Variants in ENTREP2 observed in about 807,000 individuals in gnomAD.
The protein encoded by ENTREP2 is protein ENTREP2.
At chr15:29,492,076 T>C in the ENTREP2 span, among the ~76,000 whole-genome samples, 1 of 152,112 alleles carries the variant, frequency 6.6e-6, no homozygotes, top group Admixed American at 6.6e-5. Flanking sequence ...TTTTTTTTTT[T>C]TCTAGCTTGT....
At chr15:29,243,240 A>T in the ENTREP2 span, among the ~76,000 whole-genome samples, 1 of 152,216 alleles carries the variant, frequency 6.6e-6, no homozygotes, top group Non-Finnish European at 1.5e-5. Context: ...ACATCCAAAA[A>T]CTATTCCTAT....
the ENTREP2 span, among the ~76,000 whole-genome samples, chr15:29,273,149 T>A: frequency 3.9e-5 from 6 of 152,108 alleles, no homozygotes; most frequent in African/African-American, 1.4e-4. Context: ...AGATTTCATT[T>A]TTCTCATCAA....
chr15:29,462,820 C>G, the ENTREP2 span, among the ~76,000 whole-genome samples: 5 of 151,944 alleles, frequency 3.3e-5, no homozygotes, highest in African/African-American at 1.2e-4. Context: ...TAGCTTATCA[C>G]AGAAAAAAGA....
chr15:29,402,551 C>A, the ENTREP2 span, among the ~76,000 whole-genome samples: 1 of 152,120 alleles, frequency 6.6e-6, no homozygotes, highest in South Asian at 2.1e-4. Flanking sequence ...CTCAAGTGAT[C>A]CCCTCGCTGT....
the ENTREP2 span, among the ~76,000 whole-genome samples, chr15:29,657,549 C>G: frequency 1.4e-5 from 2 of 146,434 alleles, no homozygotes. Flanking sequence ...TCTGTCCTAT[C>G]AGAGTGCCCT....
At chr15:29,371,363 C>G in the ENTREP2 span, among the ~76,000 whole-genome samples, 5 of 151,648 alleles carry the variant, frequency 3.3e-5, no homozygotes, top group Admixed American at 1.3e-4. Context: ...CACACACACA[C>G]ACACACACAC....
the ENTREP2 span, among the ~76,000 whole-genome samples, chr15:29,554,086 G>A: frequency 1.3e-5 from 2 of 152,018 alleles, no homozygotes; most frequent in Non-Finnish European, 2.9e-5. Context: ...AGACCGAGGC[G>A]GGCAGATCAC....
the ENTREP2 span, among the ~76,000 whole-genome samples, chr15:29,387,797 G>C: frequency 6.6e-6 from 1 of 152,198 alleles, no homozygotes; most frequent in South Asian, 2.1e-4. Context: ...ACAGAACAGA[G>C]CCCTCAGAAA....
chr15:29,144,816 GA>G, the ENTREP2 span, among the ~76,000 whole-genome samples: 1 of 151,766 alleles, frequency 6.6e-6, no homozygotes, highest in African/African-American at 2.4e-5. Flanking sequence ...GAGGCGGCTG[GA>G]CCACCTGAGG....
chr15:29,519,945 T>G, the ENTREP2 span, among the ~76,000 whole-genome samples: 1 of 152,160 alleles, frequency 6.6e-6, no homozygotes, highest in Non-Finnish European at 1.5e-5. Flanking sequence ...AGTCTCAAAA[T>G]CTACCCACCC....
the ENTREP2 span, among the ~76,000 whole-genome samples, chr15:29,132,970 C>T: frequency 6.6e-6 from 1 of 152,186 alleles, no homozygotes. Flanking sequence ...GGGGACAGAG[C>T]TGCCCCCGCG....
At chr15:29,543,148 TACATG>T in the ENTREP2 span, among the ~76,000 whole-genome samples, 67,694 of 151,492 alleles carry the variant, frequency 0.45, 16,198 homozygotes, top group African/African-American at 0.64. Context: ...TGAGACTGTC[TACATG>T]ACATGTTAGT....
the ENTREP2 span, among the ~76,000 whole-genome samples, chr15:29,672,090 G>T: frequency 6.6e-6 from 1 of 152,194 alleles, no homozygotes; most frequent in East Asian, 1.9e-4. Context: ...GGGTTCAAAT[G>T]ATTTTCATGC....
chr15:29,373,637 A>AT, the ENTREP2 span: 3 of 151,596 alleles, frequency 2.0e-5, no homozygotes, highest in South Asian at 6.3e-4. Context: ...TTTTATTTTT[A>AT]TTTTTATTGT....
At chr15:29,578,763 A>G in the ENTREP2 span, among the ~76,000 whole-genome samples, 1 of 152,218 alleles carries the variant, frequency 6.6e-6, no homozygotes, top group Non-Finnish European at 1.5e-5. Context: ...CCTAGCAGAT[A>G]GTGGTATTCA....
the ENTREP2 span, among the ~76,000 whole-genome samples, chr15:29,674,791 G>A: frequency 1.3e-5 from 2 of 151,394 alleles, no homozygotes; most frequent in African/African-American, 2.4e-5. Flanking sequence ...GCGGAGGAAG[G>A]GGCGGGCTTC....
At chr15:29,312,777 T>G in the ENTREP2 span, among the ~76,000 whole-genome samples, 1 of 152,134 alleles carries the variant, frequency 6.6e-6, no homozygotes, top group South Asian at 2.1e-4. Flanking sequence ...AGCCAATTAA[T>G]AACTCTACAA....
the ENTREP2 span, chr15:29,128,818 G>A: frequency 2.6e-6 from 4 of 1,550,972 alleles, no homozygotes; most frequent in Non-Finnish European, 3.5e-6. Context: ...ACTGGTGTTT[G>A]GGTCCCCGGA....
chr15:29,552,449 G>C, the ENTREP2 span, among the ~76,000 whole-genome samples: 1 of 151,926 alleles, frequency 6.6e-6, no homozygotes, highest in Non-Finnish European at 1.5e-5. Flanking sequence ...TAACAAAAAG[G>C]AAAGCAGGGC....
Sources: gnomAD v4.1 joint callset for allele counts (sites outside exome capture counted in the v4.1 genomes callset) on GRCh38, gnomAD v4.1.1 for gene constraint, MANE v1.5 for transcripts, NCBI Gene and HGNC (gene_info 2026-07-23, HGNC 2026-07-21) for gene names.